Variants in VWF observed in about 807,000 individuals in gnomAD.
VWF encodes the protein von Willebrand factor.
Under a neutral mutation model 308.6 loss-of-function variants are expected in VWF, and 176 were observed. The ratio of observed to expected loss-of-function variants is 0.57; its 90% CI spans 0.50 to 0.65. VWF has a LOEUF of 0.65. VWF is among the 30% of genes least tolerant of loss of function. VWF has a pLI of 0.00. For missense variants in VWF, 3,146 were observed against 3,648.2 expected (o/e 0.86, Z 3.55); for synonymous variants, 1,385 against 1,443.4 (o/e 0.96, Z 0.92).
At chr12:6,102,478 T>G (rs1945175487) in intron 5 of VWF, among the ~76,000 whole-genome samples, 1 of 152,006 alleles carries the variant, frequency 6.6e-6, no homozygotes, top group African/African-American at 2.4e-5. Context: ...GGCTCACACC[T>G]GTAATCCCAG....
At chr12:6,044,835 C>T (rs909608487) in intron 17 of VWF, among the ~76,000 whole-genome samples, 1 of 152,168 alleles carries the variant, frequency 6.6e-6, no homozygotes, top group Non-Finnish European at 1.5e-5. Context: ...CCAACAGAAT[C>T]ATTCCTAAAT....
At chr12:6,013,312 C>T (rs1274009855) in intron 32 of VWF, among the ~76,000 whole-genome samples, 169 bp downstream of exon 32, 2 of 152,192 alleles carry the variant, frequency 1.3e-5, no homozygotes, top group Non-Finnish European at 2.9e-5. Context: ...TGGTATACAC[C>T]TCCCATGAAC....
At chr12:6,071,940 G>A (rs1159225477) in intron 9 of VWF, among the ~76,000 whole-genome samples, 1 of 152,150 alleles carries the variant, frequency 6.6e-6, no homozygotes, top group Non-Finnish European at 1.5e-5. Flanking sequence ...GTTTCCACTG[G>A]CCACTGCAAC....
chr12:6,111,823 TGGCTGG>T (rs1225967134), intron 3 of VWF, among the ~76,000 whole-genome samples: 1 of 150,690 alleles, frequency 6.6e-6, no homozygotes, highest in Non-Finnish European at 1.5e-5. Flanking sequence ...CCAGGCGAGG[TGGCTGG>T]CGTCTGTGGT....
At position 6,063,033 on chromosome 12, in the gene VWF, G is replaced by A; in HGVS notation, c.1454C>T (p.Thr485Ile). The change falls in exon 13 of 52, where the codon ACA becomes ATA. Residue 485 changes from threonine (T) to isoleucine (I), a missense_variant. This residue lies in a region of VWF where 1,304 missense variants were observed against 1,353.0 expected (regional missense o/e 0.96). Transcript: ENST00000261405. The surrounding 1 kb of genome is among the most constrained non-coding windows in gnomAD (Gnocchi z 4.9). ...LLKGDLRIQHTVTASVRLSYG... is the reference protein window; with the variant it reads ...LLKGDLRIQHIVTASVRLSYG... ...GCTGAGGCGCACGGAGGCCGTCACTGTATGCTGGATGCGGAGGTCACCTGG... is the reference window on the plus strand; with the variant it reads ...GCTGAGGCGCACGGAGGCCGTCACTATATGCTGGATGCGGAGGTCACCTGG... 1.2e-6 allele frequency: 2 copies of A among 1,613,708 alleles called. No homozygotes were observed. The highest frequency in any genetic ancestry group is 1.1e-5 in the South Asian group (1 of 91,068).
At position 5,961,589 on chromosome 12, in the gene VWF, C is replaced by CAAA. The variant is rs71445686; in HGVS notation, c.7887+5894_7887+5896dup. 1.2e-3 allele frequency among the ~76,000 whole-genome samples: 155 copies of CAAA among 124,822 alleles called. 1 individual carries two copies. The highest frequency in any genetic ancestry group is 4.1e-3 in the East Asian group (14 of 3,394). The allele number at this position is 124,822 out of a possible 152,430, so 81.9% of individuals were successfully genotyped here. On this transcript the variant is annotated intron_variant, in intron 47 of 51. Transcript: ENST00000261405. ...GAAAATCCTTAGGAATCTGCCCCCTCAAAAAAAAAAAAAAAACACTATTAC... is the reference window on the plus strand; with the variant it reads ...GAAAATCCTTAGGAATCTGCCCCCTCAAAAAAAAAAAAAAAAAAACACTATTAC...
chr12:6,005,822 A>T (rs1943919278), intron 34 of VWF, among the ~76,000 whole-genome samples: 1 of 152,240 alleles, frequency 6.6e-6, no homozygotes, highest in Admixed American at 6.5e-5. Flanking sequence ...AAAAGCTGAA[A>T]GAGTTCATCA....
rs371235576 is a variant in VWF, at chr12:6,028,030, T to A, written c.2967+1312A>T. ...ACTGAGATGGGCTGCCACAGAGAAG[T>A]GAGGGCAGTGCTGCCTCACTGGCTT... On this transcript the variant is annotated intron_variant, in intron 22 of 51. Coordinates refer to ENST00000261405, the MANE Select transcript of VWF (RefSeq NM_000552.5). Among the ~76,000 whole-genome samples the A allele has an allele frequency of 5.9e-5, 9 of 152,122 alleles. No homozygotes were observed. The East Asian group carries it at 1.7e-3, about 29-fold the overall frequency.
In VWF at chr12:6,104,416, G is replaced by C. The variant is rs955950288; in HGVS notation, c.532+5958C>G. On this transcript the variant is annotated intron_variant, in intron 5 of 51. Transcript: ENST00000261405. Reference sequence around the variant, plus strand: ...AAAAAAAAATAGGACTGCCAGGCGCGGTGGCTCACACCTGTAATCCCAGCA... The same window carrying C: ...AAAAAAAAATAGGACTGCCAGGCGCCGTGGCTCACACCTGTAATCCCAGCA... Among the ~76,000 whole-genome samples, 4 of 151,860 alleles carry C rather than the reference G, an allele frequency of 2.6e-5. No homozygotes were observed. In the South Asian group the frequency reaches 8.3e-4, roughly 32 times the overall value.
At chr12:5,987,263 C>T (rs1943689871) in intron 38 of VWF, among the ~76,000 whole-genome samples, 1 of 152,214 alleles carries the variant, frequency 6.6e-6, no homozygotes, top group Non-Finnish European at 1.5e-5. Context: ...GCTCTGCTGC[C>T]TCCCACAGGT....
In VWF at chr12:6,044,433, C is replaced by T. The variant is rs1175840784; in HGVS notation, c.2300G>A (p.Cys767Tyr). ...LSHRSKRSLSCRPPMVKLVCP... is the reference protein window; with the variant it reads ...LSHRSKRSLSYRPPMVKLVCP... ...CACCAGCTTGACCATGGGGGGCCGA[C>T]AGGATAGGCTCCTTTTGCCTCGAAG... The change falls in exon 18 of 52, where the codon TGT becomes TAT. Residue 767 changes from cysteine to tyrosine, a missense_variant. Coordinates refer to ENST00000261405, the MANE Select transcript of VWF (RefSeq NM_000552.5). 1 of 1,614,052 alleles carries T rather than the reference C, an allele frequency of 6.2e-7. No individual in the cohort carries two copies. The highest frequency in any genetic ancestry group is 8.5e-7 in the Non-Finnish European group (1 of 1,180,042).
chr12:6,051,039 C>CTAAGGTTAA (rs75336349), intron 16 of VWF, among the ~76,000 whole-genome samples: 1 of 151,490 alleles, frequency 6.6e-6, no homozygotes, highest in Admixed American at 6.6e-5. Flanking sequence ...AATAATGGTA[C>CTAAGGTTAA]CTTTACTTTT....
intron 11 of VWF, among the ~76,000 whole-genome samples, chr12:6,064,936 G>C (rs538782587): frequency 7.2e-5 from 11 of 152,342 alleles, no homozygotes; most frequent in South Asian, 4.1e-4. Flanking sequence ...TGTCAGGGCA[G>C]GATGCCTTCC....
intron 34 of VWF, 137 bp downstream of exon 34, chr12:6,011,480 G>A: frequency 1.4e-6 from 1 of 691,818 alleles, no homozygotes; most frequent in East Asian, 2.7e-5. Context: ...GAAGGTGAGT[G>A]AAGGTAGCAC....
In VWF at chr12:5,976,348, G is replaced by A; in HGVS notation, c.7288-88C>T. On this transcript the variant is annotated intron_variant, in intron 42 of 51. Transcript: ENST00000261405. ...ACCTACTACACAGAAGCCGCTCTAA[G>A]TGCTGAGAATGTGGCAATAAATAAA... is the stretch of plus-strand genomic sequence containing the variant. 1.9e-6 allele frequency: 3 copies of A among 1,544,868 alleles called. No homozygotes were observed. In the South Asian group the frequency reaches 3.4e-5, roughly 17 times the overall value.
intron 40 of VWF, 146 bp downstream of exon 40, chr12:5,984,898 AC>A (rs1943660099): frequency 8.8e-6 from 7 of 795,884 alleles, no homozygotes; most frequent in Non-Finnish European, 1.5e-5. Flanking sequence ...AACCCTTTCC[AC>A]TTTTTTGGAG....
rs909242813 is a variant in VWF at position 6,063,397 on chromosome 12, C to T, written c.1433-343G>A. ...GGGGATCTCTTTAGCATTGACACCA[C>T]GACATCTGAATGTGCCTGGGACACT... On this transcript the variant is annotated intron_variant, in intron 12 of 51. Coordinates refer to ENST00000261405, the MANE Select transcript of VWF (RefSeq NM_000552.5). This position sits in a 1 kb window ranked among gnomAD's most constrained non-coding sequence, Gnocchi z 4.9. 3.3e-5 allele frequency among the ~76,000 whole-genome samples: 5 copies of T among 152,130 alleles called. No homozygotes were observed. Among genetic ancestry groups the T allele is most frequent in the African/African-American group, 1.2e-4 (5 of 41,414 alleles).
chr12:6,017,869 T>A (rs1439715457), intron 28 of VWF, among the ~76,000 whole-genome samples: 1 of 152,160 alleles, frequency 6.6e-6, no homozygotes, highest in Non-Finnish European at 1.5e-5. Context: ...CTCCAGTGTC[T>A]GAAGACTGCA....
At chr12:5,999,292 G>A (rs1438397145) in intron 34 of VWF, among the ~76,000 whole-genome samples, 2 of 152,126 alleles carry the variant, frequency 1.3e-5, no homozygotes, top group South Asian at 2.1e-4. Context: ...AAAAACACAC[G>A]CAATATTTGG....
Sources: allele counts gnomAD v4.1 joint callset (sites outside exome capture counted in the v4.1 genomes callset), GRCh38; gene constraint gnomAD v4.1.1; regional missense constraint gnomAD v4.1.1; non-coding constraint Gnocchi (gnomAD v3.1); transcripts MANE v1.5; gene names NCBI Gene and HGNC (gene_info 2026-07-23, HGNC 2026-07-21).